The following PKD1L1 variants were observed in gnomAD, a reference collection of about 807,000 sequenced individuals.
PKD1L1 encodes the protein polycystin 1 like 1, transient receptor potential channel interacting.
A neutral mutation model predicts 323.4 loss-of-function variants in PKD1L1; 236 were observed. That is an observed-to-expected ratio of 0.73 (90% confidence interval 0.66 to 0.81). The LOEUF is 0.81. Ranked by LOEUF, PKD1L1 falls within the 40% of genes least tolerant of loss-of-function variation. The pLI, the probability that PKD1L1 is intolerant of heterozygous loss-of-function variation, is 0.00. For synonymous variants in PKD1L1, 1,344 were observed against 1,335.0 expected (o/e 1.01, Z -0.15); for missense variants, 3,320 against 3,508.0 (o/e 0.95, Z 1.35).
rs185871612 is a variant in PKD1L1 at position 47,842,824 on chromosome 7, C to T, written c.5445+138G>A. On this transcript the variant is annotated intron_variant, in intron 34 of 56. Coordinates refer to ENST00000289672, the MANE Select transcript of PKD1L1 (RefSeq NM_138295.5). ...GGCCAAGGGAGGGCAGTGGAAAGGGCGGGCAAGCTTTGCCTCAGCAATGAG... is the reference window on the plus strand; with the variant it reads ...GGCCAAGGGAGGGCAGTGGAAAGGGTGGGCAAGCTTTGCCTCAGCAATGAG... 2,692 of 781,244 alleles carry T rather than the reference C, an allele frequency of 3.4e-3. 13 individuals carry two copies. Among genetic ancestry groups the T allele is most frequent in the South Asian group, 0.012 (653 of 53,874 alleles). 48.4% of individuals were successfully genotyped at this position (781,244 alleles called of 1,614,324 possible).
At chr7:47,846,320 T>C (rs999108909) in intron 32 of PKD1L1, among the ~76,000 whole-genome samples, 11 of 152,218 alleles carry the variant, frequency 7.2e-5, no homozygotes, top group African/African-American at 2.7e-4. Context: ...ATTTCTAATT[T>C]AGTGACATGA....
At chr7:47,915,670 A>G (rs773506429) in intron 7 of PKD1L1, 71 bp from the exon 8 acceptor site, 252 of 967,202 alleles carry the variant, frequency 2.6e-4, no homozygotes, top group Non-Finnish European at 2.7e-4. Context: ...TGTGGAATAA[A>G]CAAAATCTGA....
At chr7:47,804,825 T>G (rs1279421307) in intron 52 of PKD1L1, among the ~76,000 whole-genome samples, 1 of 152,004 alleles carries the variant, frequency 6.6e-6, no homozygotes, top group Admixed American at 6.6e-5. Context: ...GTCCAGTGAG[T>G]ATTTTACACT....
rs1786434912 is a variant in PKD1L1 at position 47,877,520 on chromosome 7, A to G, written c.3632T>C (p.Val1211Ala). 2 of 1,613,790 alleles carry G rather than the reference A, an allele frequency of 1.2e-6. No individual in the cohort carries two copies. The highest frequency in any genetic ancestry group is 1.3e-5 in the African/African-American group (1 of 74,866). The change falls in exon 22 of 57, where the codon GTC becomes GCC. Residue 1211 changes from valine (V) to alanine (A), a missense_variant. By Grantham distance (64) the Val-to-Ala change is moderately conservative. Transcript: ENST00000289672. ...QPHHGLEAHT[V>A]FSVFCMSGKP... ...TCCAGACATGCAGAAGACACTGAAGACGGTGTGTGCTTCCAGACCATGGTG... is the reference window on the plus strand; with the variant it reads ...TCCAGACATGCAGAAGACACTGAAGGCGGTGTGTGCTTCCAGACCATGGTG...
chr7:47,922,681 C>T (rs1185166817), intron 7 of PKD1L1, among the ~76,000 whole-genome samples: 2 of 151,148 alleles, frequency 1.3e-5, no homozygotes, highest in African/African-American at 2.4e-5. Context: ...CCGGCAGCTG[C>T]CCCGTCTGGG....
chr7:47,845,188 T>G, intron 32 of PKD1L1, 110 bp from the exon 33 acceptor site: 1 of 847,894 alleles, frequency 1.2e-6, no homozygotes, highest in Non-Finnish European at 1.8e-6. Flanking sequence ...AGTGCAATAA[T>G]GATAACTTTA....
intron 26 of PKD1L1, among the ~76,000 whole-genome samples, chr7:47,864,636 C>CTT (rs71006531): frequency 7.5e-6 from 1 of 133,310 alleles, no homozygotes; most frequent in African/African-American, 3.2e-5. Context: ...TTCTTTCTTT[C>CTT]CTTCCTTCCT....
intron 8 of PKD1L1, among the ~76,000 whole-genome samples, chr7:47,910,680 TAG>T (rs962147258): frequency 6.5e-4 from 88 of 135,208 alleles, no homozygotes; most frequent in African/African-American, 2.3e-3. Flanking sequence ...TTTTTTAAGA[TAG>T]AGTCTCACTC....
At chr7:47,900,933 A>G (rs886212176) in intron 13 of PKD1L1, among the ~76,000 whole-genome samples, 1 of 152,198 alleles carries the variant, frequency 6.6e-6, no homozygotes, top group African/African-American at 2.4e-5. Context: ...CCACATATAA[A>G]AAGCCTTAGA....
chr7:47,804,566 T>A (rs1002994900), intron 52 of PKD1L1, among the ~76,000 whole-genome samples: 4 of 148,904 alleles, frequency 2.7e-5, no homozygotes, highest in African/African-American at 9.9e-5. Context: ...TCCTGGTGAG[T>A]TCAAGCAATT....
chr7:47,940,835 G>C (rs1017048321), intron 2 of PKD1L1, among the ~76,000 whole-genome samples: 1 of 152,208 alleles, frequency 6.6e-6, no homozygotes, highest in Non-Finnish European at 1.5e-5. Context: ...GCTGAAGGCC[G>C]GGCAGTGAGC....
At chr7:47,912,234 G>A (rs1787337120) in intron 8 of PKD1L1, among the ~76,000 whole-genome samples, 1 of 152,080 alleles carries the variant, frequency 6.6e-6, no homozygotes, top group South Asian at 2.1e-4. Context: ...AATGGAAAGT[G>A]TAGAACACAA....
At chr7:47,907,007 C>G (rs536228062) in intron 9 of PKD1L1, among the ~76,000 whole-genome samples, 1 of 152,302 alleles carries the variant, frequency 6.6e-6, no homozygotes, top group South Asian at 2.1e-4. Context: ...ATGGAACCAT[C>G]GGAAATTTAC....
chr7:47,948,472 T>C, upstream of PKD1L1: 1 of 1,611,218 alleles, frequency 6.2e-7, no homozygotes, highest in Non-Finnish European at 8.5e-7. Flanking sequence ...AGTATGACAG[T>C]CAGCAGACCA....
chr7:47,958,063 C>T, the PKD1L1 span, among the ~76,000 whole-genome samples: 1 of 151,686 alleles, frequency 6.6e-6, no homozygotes, highest in Non-Finnish European at 1.5e-5. Context: ...ATCAAAATAC[C>T]AATGACATTC....
intron 19 of PKD1L1, among the ~76,000 whole-genome samples, chr7:47,883,506 C>T (rs1786611242): frequency 6.6e-6 from 1 of 152,232 alleles, no homozygotes; most frequent in Admixed American, 6.5e-5. Flanking sequence ...TTGCTCCTGT[C>T]TGCTGTCTCC....
intron 13 of PKD1L1, among the ~76,000 whole-genome samples, chr7:47,900,101 C>CT (rs1320965349): frequency 6.6e-6 from 1 of 152,130 alleles, no homozygotes; most frequent in Non-Finnish European, 1.5e-5. Context: ...TTTCCAATTA[C>CT]TTTTTATTGT....
intron 50 of PKD1L1, among the ~76,000 whole-genome samples, chr7:47,810,899 GA>G (rs1784878081): frequency 6.6e-6 from 1 of 152,180 alleles, no homozygotes; most frequent in African/African-American, 2.4e-5. Context: ...TATATGTGGG[GA>G]TGGGGCTCCT....
At chr7:47,909,770 A>C (rs535821317) in intron 8 of PKD1L1, among the ~76,000 whole-genome samples, 1 of 152,344 alleles carries the variant, frequency 6.6e-6, no homozygotes, top group African/African-American at 2.4e-5. Flanking sequence ...GCTGCATCCA[A>C]ATTATATGGA....
Sources: allele counts gnomAD v4.1 joint callset (sites outside exome capture counted in the v4.1 genomes callset), GRCh38; gene constraint gnomAD v4.1.1; transcripts MANE v1.5; gene names NCBI Gene and HGNC (gene_info 2026-07-23, HGNC 2026-07-21).